CAB39L: variants seen among roughly 807,000 people sequenced by gnomAD.
CAB39L encodes calcium-binding protein 39-like.
Under a neutral mutation model 39.1 loss-of-function variants are expected in CAB39L, and 23 were observed. The ratio of observed to expected loss-of-function variants is 0.59; its 90% CI spans 0.42 to 0.83. CAB39L has a LOEUF of 0.83. CAB39L is among the 40% of genes least tolerant of loss of function. The pLI, the probability that CAB39L is intolerant of heterozygous loss-of-function variation, is 0.00. For missense variants in CAB39L, 366 were observed against 391.9 expected (o/e 0.93, Z 0.56); for synonymous variants, 126 against 137.2 (o/e 0.92, Z 0.57).
chr13:49,414,922 G>A (rs538348376), intron 3 of CAB39L, among the ~76,000 whole-genome samples: 7 of 152,232 alleles, frequency 4.6e-5, no homozygotes, highest in East Asian at 3.9e-4. Flanking sequence ...TGCTGGGCAC[G>A]GTGGCTCATG....
At chr13:49,331,658 T>C (rs564933186) in intron 10 of CAB39L, among the ~76,000 whole-genome samples, 2 of 152,228 alleles carry the variant, frequency 1.3e-5, no homozygotes, top group South Asian at 4.1e-4. Context: ...ACACTCAGGG[T>C]TTGGGATCTA....
chr13:49,419,980 A>G (rs1957147689), intron 3 of CAB39L, among the ~76,000 whole-genome samples: 1 of 152,242 alleles, frequency 6.6e-6, no homozygotes, highest in African/African-American at 2.4e-5. Flanking sequence ...AATTCATTCT[A>G]TGTTTCAATT....
chr13:49,343,003 C>T (rs1955047009), intron 8 of CAB39L, among the ~76,000 whole-genome samples: 1 of 152,070 alleles, frequency 6.6e-6, no homozygotes, highest in Non-Finnish European at 1.5e-5. Context: ...GTGTGGCTAA[C>T]TAGAAAATTT....
chr13:49,385,346 T>C (rs992834143), intron 3 of CAB39L, among the ~76,000 whole-genome samples: 1 of 152,232 alleles, frequency 6.6e-6, no homozygotes, highest in Non-Finnish European at 1.5e-5. Flanking sequence ...GGACTTGCTC[T>C]GGACTAGGCT....
chr13:49,365,660 G>A (rs1346837119), intron 5 of CAB39L, among the ~76,000 whole-genome samples: 1 of 152,206 alleles, frequency 6.6e-6, no homozygotes, highest in Non-Finnish European at 1.5e-5. Flanking sequence ...TGCTGGTGAG[G>A]ATGTGGGGAA....
At chr13:49,431,623 C>T (rs1341999596) in intron 3 of CAB39L, among the ~76,000 whole-genome samples, 1 of 151,922 alleles carries the variant, frequency 6.6e-6, no homozygotes, top group Non-Finnish European at 1.5e-5. Context: ...AGGAGAATTG[C>T]TTGAACCTGG....
rs946357804 is a variant in CAB39L, at chr13:49,364,440, A to G, written c.277-4608T>C. On this transcript the variant is annotated intron_variant, in intron 5 of 10. Transcript: ENST00000409308. ...CAACATAATATTGGAAGTCTTAGCC[A>G]GAGCAATCAAACAAGAGAATGAAAT... Among the ~76,000 whole-genome samples the G allele has an allele frequency of 1.1e-4, 16 of 152,090 alleles. 1 individual carries two copies. The highest frequency in any genetic ancestry group is 1.0e-3 in the Admixed American group (16 of 15,278).
intron 6 of CAB39L, 22 bp from the exon 7 acceptor site, chr13:49,350,934 A>G: frequency 6.5e-7 from 1 of 1,540,498 alleles, no homozygotes; most frequent in South Asian, 1.2e-5. Context: ...ACAAGAGAGA[A>G]ATAGAGAACT....
Position 49,401,282 on chromosome 13 carries a change from C to T in CAB39L, c.-31-18341G>A, listed in dbSNP as rs567289692. On this transcript the variant is annotated intron_variant, in intron 3 of 10. Coordinates refer to ENST00000409308, the MANE Select transcript of CAB39L (RefSeq NM_001079670.3). ...ATAGAGGTTGCCTCCTATTACCAAG[C>T]GTGGCAGAGAAAAGAGTTTCCACAA... 6 of 152,256 alleles carry T rather than the reference C, an allele frequency of 3.9e-5. No individual in the cohort carries two copies. In the East Asian group the frequency reaches 7.7e-4, roughly 20 times the overall value. 9.4% of individuals were successfully genotyped at this position (152,256 alleles called of 1,614,324 possible). A position where few individuals can be genotyped will look rare whatever the true frequency, so the allele number is the denominator to read the frequency against.
At chr13:49,434,047 G>A (rs542535240) in intron 2 of CAB39L, 39 bp downstream of exon 2, 33 of 424,392 alleles carry the variant, frequency 7.8e-5, no homozygotes, top group Admixed American at 1.4e-4. Context: ...GTGTGTATGC[G>A]TGTGCTTGTT....
chr13:49,404,999 G>T (rs1212320951), intron 3 of CAB39L, among the ~76,000 whole-genome samples: 1 of 152,110 alleles, frequency 6.6e-6, no homozygotes, highest in Non-Finnish European at 1.5e-5. Flanking sequence ...AGAGAGATCG[G>T]GGTAGAGAGT....
intron 6 of CAB39L, among the ~76,000 whole-genome samples, chr13:49,357,139 G>A (rs537608165): frequency 2.0e-5 from 3 of 151,714 alleles, no homozygotes; most frequent in South Asian, 2.1e-4. Context: ...AACAATTCCC[G>A]CTCCCTTCAC....
At chr13:49,431,829 C>T (rs916989389) in intron 3 of CAB39L, among the ~76,000 whole-genome samples, 1 of 152,122 alleles carries the variant, frequency 6.6e-6, no homozygotes, top group Non-Finnish European at 1.5e-5. Flanking sequence ...AAAACTTATA[C>T]ATGAATATTC....
chr13:49,393,321 A>G (rs1956530075), intron 3 of CAB39L, among the ~76,000 whole-genome samples: 1 of 152,116 alleles, frequency 6.6e-6, no homozygotes, highest in South Asian at 2.1e-4. Context: ...TACAAAATCT[A>G]TACCAGATCT....
intron 3 of CAB39L, among the ~76,000 whole-genome samples, chr13:49,428,303 G>A (rs1247751369): frequency 6.6e-6 from 1 of 152,230 alleles, no homozygotes; most frequent in East Asian, 1.9e-4. Flanking sequence ...CTGGCTAGAG[G>A]CTTTGGTTCT....
chr13:49,410,691 A>G (rs1010354033), intron 3 of CAB39L, among the ~76,000 whole-genome samples: 16 of 152,344 alleles, frequency 1.1e-4, no homozygotes, highest in African/African-American at 3.6e-4. Context: ...CAGAGTTATA[A>G]TGCTTTTTAA....
chr13:49,361,264 G>A (rs1225783647), intron 5 of CAB39L, among the ~76,000 whole-genome samples: 1 of 152,070 alleles, frequency 6.6e-6, no homozygotes, highest in Admixed American at 6.5e-5. Context: ...CAGATCAAGA[G>A]GTCAGGAGTT....
intron 3 of CAB39L, among the ~76,000 whole-genome samples, chr13:49,405,930 T>C (rs1367356886): frequency 6.6e-6 from 1 of 152,124 alleles, no homozygotes; most frequent in Non-Finnish European, 1.5e-5. Context: ...ACTTCACATG[T>C]TCTCATTCAT....
chr13:49,377,364 G>A (rs1293484870), intron 4 of CAB39L, among the ~76,000 whole-genome samples: 1 of 42,476 alleles, frequency 2.4e-5, no homozygotes, highest in African/African-American at 2.0e-4. Context: ...TCTAAGAGCC[G>A]GGGCTATACA....
Sources: allele counts gnomAD v4.1 joint callset (sites outside exome capture counted in the v4.1 genomes callset), GRCh38; gene constraint gnomAD v4.1.1; transcripts MANE v1.5; gene names NCBI Gene and HGNC (gene_info 2026-07-23, HGNC 2026-07-21).